RHEX: variants seen among roughly 807,000 people sequenced by gnomAD.
RHEX encodes the protein regulator of hemoglobinization and erythroid cell expansion.
A neutral mutation model predicts 20.1 loss-of-function variants in RHEX; 18 were observed. The observed-to-expected ratio is 0.90, with a 90% CI of 0.62 to 1.33. The LOEUF (loss-of-function observed/expected upper bound fraction) is 1.33, where lower values mean the gene tolerates loss of function less well. Among genes scored for constraint, RHEX ranks in the 40% most tolerant of loss-of-function variants. The pLI, the probability that RHEX is intolerant of heterozygous loss-of-function variation, is 0.00. For synonymous variants in RHEX, 87 were observed against 77.1 expected, an observed-to-expected ratio of 1.13 and a Z score of -0.67; for missense variants, 192 against 214.3, an observed-to-expected ratio of 0.90 and a Z score of 0.65.
intron 1 of RHEX, among the ~76,000 whole-genome samples, chr1:206,064,443 G>C (rs1553283853): frequency 1.4e-5 from 1 of 71,540 alleles, no homozygotes; most frequent in Non-Finnish European, 2.5e-5. Context: ...GAGGTGGGGG[G>C]GTCAGCCCCC....
chr1:206,077,904 G>A (rs1352066869), intron 1 of RHEX, among the ~76,000 whole-genome samples: 1 of 152,206 alleles, frequency 6.6e-6, no homozygotes, highest in Non-Finnish European at 1.5e-5. Context: ...TTGCTTATCA[G>A]TAGCAAGTAA....
intron 1 of RHEX, among the ~76,000 whole-genome samples, chr1:206,064,373 C>T (rs1352439710): frequency 2.2e-3 from 289 of 133,698 alleles, no homozygotes; most frequent in Non-Finnish European, 3.9e-3. Flanking sequence ...CCAGCTGCCC[C>T]GTCCGGGAGG....
intron 1 of RHEX, among the ~76,000 whole-genome samples, chr1:206,066,852 A>G (rs996657822): frequency 1.1e-4 from 16 of 152,218 alleles, no homozygotes; most frequent in Non-Finnish European, 2.1e-4. Flanking sequence ...AAACAGTATT[A>G]AAATGCAGTA....
intron 1 of RHEX, among the ~76,000 whole-genome samples, chr1:206,072,597 T>C (rs1571860360): frequency 6.6e-6 from 1 of 152,144 alleles, no homozygotes; most frequent in South Asian, 2.1e-4. Flanking sequence ...AAAGAGGATG[T>C]GTTTTAGGCT....
intron 5 of RHEX, among the ~76,000 whole-genome samples, chr1:206,101,490 G>T (rs1663185565): frequency 6.6e-6 from 1 of 152,122 alleles, no homozygotes; most frequent in South Asian, 2.1e-4. Flanking sequence ...TCTGAGTCCT[G>T]ATCTCCCTTG....
chr1:206,053,291 C>T (rs1553282053), intron 1 of RHEX, 26 bp downstream of exon 1: 1 of 152,868 alleles, frequency 6.5e-6, no homozygotes, highest in Non-Finnish European at 1.5e-5. Context: ...GGAACTTGCC[C>T]CACTCCATCT....
chr1:206,099,446 G>A (rs967109426), intron 3 of RHEX, among the ~76,000 whole-genome samples: 1 of 151,880 alleles, frequency 6.6e-6, no homozygotes, highest in Non-Finnish European at 1.5e-5. Flanking sequence ...AGCCTCCCTA[G>A]TATCTGACAT....
intron 1 of RHEX, among the ~76,000 whole-genome samples, chr1:206,072,548 C>T (rs1040546654): frequency 2.6e-5 from 4 of 152,096 alleles, no homozygotes; most frequent in African/African-American, 7.2e-5. Flanking sequence ...TGCACTCCAG[C>T]CTGGGCAACA....
intron 1 of RHEX, among the ~76,000 whole-genome samples, chr1:206,058,109 T>A (rs575477867): frequency 7.8e-4 from 119 of 152,250 alleles, no homozygotes; most frequent in Non-Finnish European, 1.5e-3. Flanking sequence ...ATAACAAAAC[T>A]GGCACATGCA....
chr1:206,076,535 C>T (rs1662640727), intron 1 of RHEX, among the ~76,000 whole-genome samples: 1 of 152,190 alleles, frequency 6.6e-6, no homozygotes, highest in Non-Finnish European at 1.5e-5. Context: ...GCAGGGAAGT[C>T]GGACTGGATG....
chr1:206,072,627 C>G (rs1553284787), intron 1 of RHEX, among the ~76,000 whole-genome samples: 1 of 152,068 alleles, frequency 6.6e-6, no homozygotes, highest in East Asian at 1.9e-4. Flanking sequence ...TACCATATTC[C>G]CGTAATGTAC....
chr1:206,071,595 C>T (rs1197844214), intron 1 of RHEX, among the ~76,000 whole-genome samples: 3 of 149,784 alleles, frequency 2.0e-5, no homozygotes, highest in Non-Finnish European at 4.4e-5. Context: ...ATTTGTCATC[C>T]CAGCGCTTTG....
intron 1 of RHEX, among the ~76,000 whole-genome samples, chr1:206,096,781 G>GTTTTTTTTT (rs1212622253): frequency 8.3e-5 from 11 of 132,946 alleles, no homozygotes; most frequent in South Asian, 2.3e-4. Flanking sequence ...TTTTTTTTTG[G>GTTTTTTTTT]TTTTTTTTTT....
At chr1:206,082,036 G>C (rs1662748672) in intron 1 of RHEX, among the ~76,000 whole-genome samples, 1 of 152,144 alleles carries the variant, frequency 6.6e-6, no homozygotes, top group Non-Finnish European at 1.5e-5. Context: ...ATGGCTCCCA[G>C]TGTTCTGCTT....
At chr1:206,090,938 A>G (rs1219180073) in intron 1 of RHEX, among the ~76,000 whole-genome samples, 3 of 152,146 alleles carry the variant, frequency 2.0e-5, no homozygotes, top group Non-Finnish European at 4.4e-5. Flanking sequence ...TAGTTTTGCA[A>G]TGCATTCTTT....
chr1:206,061,006 C>CTG (rs1662299869), intron 1 of RHEX, among the ~76,000 whole-genome samples: 2 of 152,170 alleles, frequency 1.3e-5, no homozygotes, highest in South Asian at 2.1e-4. Context: ...GCTGGGGACT[C>CTG]TGTACACAGC....
At chr1:206,057,134 T>C (rs1221955087) in intron 1 of RHEX, among the ~76,000 whole-genome samples, 2 of 152,262 alleles carry the variant, frequency 1.3e-5, no homozygotes, top group African/African-American at 2.4e-5. Context: ...CTTTCTATGA[T>C]GAACTAAATG....
chr1:206,070,362 C>G (rs1318291536), intron 1 of RHEX, among the ~76,000 whole-genome samples: 1 of 152,126 alleles, frequency 6.6e-6, no homozygotes, highest in Non-Finnish European at 1.5e-5. Context: ...AGAAGATTCT[C>G]AGGAAATTCT....
In RHEX at chr1:206,102,047, G is replaced by A. The variant is rs891811823; in HGVS notation, c.*95G>A. 4.9e-6 allele frequency: 5 copies of A among 1,022,676 alleles called. No homozygotes were observed. Among genetic ancestry groups the A allele is most frequent in the African/African-American group, 1.6e-5 (1 of 62,776 alleles). 63.4% of individuals were successfully genotyped at this position (1,022,676 alleles called of 1,614,324 possible). On this transcript the variant is annotated 3_prime_UTR_variant, in exon 6 of 6. Transcript: ENST00000331555. ...TTTTCCCCCTTAAACAAGGCATGGGGCTCACAAGTCTATGGAGACAGGCCA... is the reference window on the plus strand; with the variant it reads ...TTTTCCCCCTTAAACAAGGCATGGGACTCACAAGTCTATGGAGACAGGCCA...
Sources: allele counts gnomAD v4.1 joint callset (sites outside exome capture counted in the v4.1 genomes callset), GRCh38; gene constraint gnomAD v4.1.1; transcripts MANE v1.5; gene names NCBI Gene and HGNC (gene_info 2026-07-23, HGNC 2026-07-21).